PREX2: variants seen among roughly 807,000 people sequenced by gnomAD.
PREX2 encodes phosphatidylinositol 3,4,5-trisphosphate-dependent Rac exchanger 2 protein.
In PREX2, 107 loss-of-function variants were observed where a neutral mutation model predicts 203.2. The ratio of observed to expected loss-of-function variants is 0.53; its 90% CI spans 0.45 to 0.62. The LOEUF (loss-of-function observed/expected upper bound fraction) is 0.62. PREX2 is among the 20% of genes least tolerant of loss of function. PREX2 has a pLI of 0.00. For missense variants in PREX2, 1,777 were observed against 1,955.9 expected (o/e 0.91, Z 1.72); for synonymous variants, 672 against 663.6 (o/e 1.01, Z -0.19).
rs760340962 is a variant in PREX2 at position 68,191,743 on chromosome 8, A to G, written c.4368A>G (p.Ser1456=). The G allele has an allele frequency of 1.2e-6, 2 of 1,611,042 alleles. No homozygotes were observed. The highest frequency in any genetic ancestry group is 8.5e-7 in the Non-Finnish European group (1 of 1,177,344). ...ACAGGGCATTCTACTTGGACAAGTC[A>G]AATTCACCACCAAACTCCACATCCA... The part of the protein sequence containing the change: ...QKLRAFYLDK[S]NSPPNSTSKA... The change falls in exon 36 of 40, where the codon TCA becomes TCG. Residue 1456 remains serine (S), a synonymous_variant. Transcript: ENST00000288368.
Position 68,083,386 on chromosome 8 carries a change from A to C in PREX2, c.2025A>C (p.Arg675Ser). 1 of 1,603,592 alleles carries C rather than the reference A, an allele frequency of 6.2e-7. No individual in the cohort carries two copies. The highest frequency in any genetic ancestry group is 8.5e-7 in the Non-Finnish European group (1 of 1,174,060). The change falls in exon 18 of 40, where the codon AGA becomes AGC. Residue 675 changes from arginine to serine, a missense_variant and splice_region_variant. Arg to Ser is a moderately radical substitution (Grantham distance 110). Coordinates refer to ENST00000288368, the MANE Select transcript of PREX2 (RefSeq NM_024870.4). Reference protein sequence around the residue: ...PLRVLVSTKPRETVKIPDSAD... With the variant: ...PLRVLVSTKPSETVKIPDSAD... ...GAGTTCTTGTGAGCACAAAGCCAAGAGAGTAAGTTGTATGATTTATGTGTG... is the reference window on the plus strand; with the variant it reads ...GAGTTCTTGTGAGCACAAAGCCAAGCGAGTAAGTTGTATGATTTATGTGTG...
chr8:68,096,702 G>A (rs1315294810), intron 21 of PREX2, among the ~76,000 whole-genome samples: 3 of 151,396 alleles, frequency 2.0e-5, no homozygotes, highest in African/African-American at 7.3e-5. Context: ...AGTCATACAT[G>A]TCTTTAATAA....
chr8:67,986,504 G>A (rs565534186), intron 1 of PREX2, among the ~76,000 whole-genome samples: 4 of 152,198 alleles, frequency 2.6e-5, no homozygotes. Context: ...TGCAAATGAC[G>A]TGCTTGCTTG....
chr8:67,971,402 G>A (rs991964379), intron 1 of PREX2, among the ~76,000 whole-genome samples: 2 of 152,144 alleles, frequency 1.3e-5, no homozygotes, highest in Admixed American at 6.5e-5. Flanking sequence ...CGGGGAGAGA[G>A]GGTGGAAGTC....
chr8:68,014,525 T>C (rs1453364434), intron 1 of PREX2, among the ~76,000 whole-genome samples: 2 of 152,142 alleles, frequency 1.3e-5, no homozygotes, highest in African/African-American at 4.8e-5. Flanking sequence ...GTGTAGTGTC[T>C]GCATCTCCCT....
intron 33 of PREX2, among the ~76,000 whole-genome samples, chr8:68,145,970 CAA>C (rs907202138): frequency 1.8e-4 from 27 of 152,146 alleles, no homozygotes; most frequent in African/African-American, 5.5e-4. Context: ...CAAAGTGTAA[CAA>C]AGTTTCCTAT....
At chr8:68,123,350 A>C (rs1293346304) in intron 30 of PREX2, among the ~76,000 whole-genome samples, 1 of 152,098 alleles carries the variant, frequency 6.6e-6, no homozygotes, top group African/African-American at 2.4e-5. Context: ...GAGAAAATCA[A>C]ACCCAAAGGT....
At chr8:68,027,938 A>G (rs1217977518) in intron 5 of PREX2, among the ~76,000 whole-genome samples, 1 of 152,028 alleles carries the variant, frequency 6.6e-6, no homozygotes, top group African/African-American at 2.4e-5. Flanking sequence ...TAAGGTGCCA[A>G]CTACTGCCCT....
In PREX2 at chr8:68,030,571, T is replaced by G; in HGVS notation, c.618T>G (p.Ala206=). 1.2e-6 allele frequency: 2 copies of G among 1,613,774 alleles called. No homozygotes were observed. Among genetic ancestry groups the G allele is most frequent in the East Asian group, 2.2e-5 (1 of 44,860 alleles). ...TGGAAGCCCTCCAAGCCATGAAAGC[T>G]GTCTGTTCCAACATAAACGAGGCCA... is the stretch of plus-strand genomic sequence containing the variant. ...AVMEALQAMK[A]VCSNINEAKR... Residue 206 remains alanine (A), a synonymous_variant, in exon 6 of 40, where the codon GCT becomes GCG. Transcript: ENST00000288368.
At chr8:68,065,577 C>T (rs1371214814) in intron 11 of PREX2, among the ~76,000 whole-genome samples, 1 of 152,128 alleles carries the variant, frequency 6.6e-6, no homozygotes, top group South Asian at 2.1e-4. Flanking sequence ...TGTGTATTAA[C>T]AAGTCTTTTG....
chr8:68,205,345 G>A (rs940463742), intron 37 of PREX2, among the ~76,000 whole-genome samples: 1 of 152,082 alleles, frequency 6.6e-6, no homozygotes, highest in African/African-American at 2.4e-5. Context: ...TTTAAAAGCT[G>A]CTTCTGTCCT....
chr8:68,161,510 A>G (rs1811653182), intron 35 of PREX2, among the ~76,000 whole-genome samples: 1 of 152,110 alleles, frequency 6.6e-6, no homozygotes, highest in African/African-American at 2.4e-5. Context: ...AAGTTTTTAG[A>G]AAAACTAAAT....
At position 68,192,417 on chromosome 8, in the gene PREX2, C is replaced by T; in HGVS notation, c.4496C>T (p.Ala1499Val). 1.2e-6 allele frequency: 2 copies of T among 1,614,102 alleles called. No individual in the cohort carries two copies. The highest frequency in any genetic ancestry group is 1.7e-6 in the Non-Finnish European group (2 of 1,179,990). ...AGATCCAAGCGCACAGCTGCCTGTG[C>T]AAACACAGCTTGCAGTGCTTCTGGG... ...FIRSKRTAACANTACSASGVG... is the reference protein window; with the variant it reads ...FIRSKRTAACVNTACSASGVG... The change falls in exon 37 of 40, where the codon GCA (alanine) becomes GTA (valine). Residue 1499 changes from alanine to valine, a missense_variant. Ala to Val is a moderately conservative substitution (Grantham distance 64, BLOSUM62 0). Transcript: ENST00000288368.
intron 38 of PREX2, among the ~76,000 whole-genome samples, chr8:68,219,338 C>T (rs1160214730): frequency 6.6e-6 from 1 of 151,822 alleles, no homozygotes; most frequent in Non-Finnish European, 1.5e-5. Flanking sequence ...ATGCAGGCCC[C>T]GATGACTCAC....
intron 1 of PREX2, among the ~76,000 whole-genome samples, chr8:67,988,959 T>C (rs1263609719): frequency 6.6e-6 from 1 of 152,188 alleles, no homozygotes; most frequent in East Asian, 1.9e-4. Context: ...TCTAAATGTT[T>C]TTAAAAGCAA....
Position 67,962,773 on chromosome 8 carries a change from A to AT in PREX2, c.141+10244dup, listed in dbSNP as rs530995165. On this transcript the variant is annotated intron_variant, in intron 1 of 39. Transcript: ENST00000288368. ...AGGCACCTGCCACCACGCCTGGATA[A>AT]TTTTTTGTATTTTTAATGGAGATGG... Among the ~76,000 whole-genome samples, 185 of 151,456 alleles carry AT rather than the reference A, an allele frequency of 1.2e-3. 2 individuals are homozygous for AT. Among genetic ancestry groups the AT allele is most frequent in the African/African-American group, 4.2e-3 (173 of 41,326 alleles).
intron 5 of PREX2, among the ~76,000 whole-genome samples, chr8:68,030,015 A>G (rs1563508427): frequency 6.6e-6 from 1 of 152,148 alleles, no homozygotes; most frequent in African/African-American, 2.4e-5. Flanking sequence ...ATAAGACATT[A>G]TTTTAAAATT....
chr8:68,119,662 C>G, intron 28 of PREX2, 148 bp downstream of exon 28: 1 of 631,536 alleles, frequency 1.6e-6, no homozygotes, highest in East Asian at 2.6e-5. Flanking sequence ...GACATTTAAA[C>G]TAGGAATCAA....
chr8:68,090,896 T>G (rs1809853809), intron 20 of PREX2, among the ~76,000 whole-genome samples, 181 bp downstream of exon 20: 1 of 152,226 alleles, frequency 6.6e-6, no homozygotes, highest in South Asian at 2.1e-4. Flanking sequence ...TGATTGTGTT[T>G]AAATGGTTAC....
Sources: gnomAD v4.1 joint callset for allele counts (sites outside exome capture counted in the v4.1 genomes callset) on GRCh38, gnomAD v4.1.1 for gene constraint, MANE v1.5 for transcripts, NCBI Gene and HGNC (gene_info 2026-07-23, HGNC 2026-07-21) for gene names.